NTN4: variants seen among roughly 807,000 people sequenced by gnomAD.
NTN4 encodes netrin-4.
Under a neutral mutation model 73.6 loss-of-function variants are expected in NTN4, and 32 were observed. The observed-to-expected ratio is 0.44, with a 90% confidence interval of 0.33 to 0.58. NTN4 has a LOEUF of 0.58. NTN4 is among the 20% of genes least tolerant of loss of function. The pLI is 0.04. For synonymous variants in NTN4, 258 were observed against 287.5 expected, an observed-to-expected ratio of 0.90 and a Z score of 1.04; for missense variants, 654 against 798.3, an observed-to-expected ratio of 0.82 and a Z score of 2.18.
intron 2 of NTN4, among the ~76,000 whole-genome samples, chr12:95,770,455 G>A (rs1245006155): frequency 1.3e-5 from 2 of 152,168 alleles, no homozygotes; most frequent in African/African-American, 4.8e-5. Flanking sequence ...CTCTCCTGAT[G>A]CAGCACCAGT....
At chr12:95,748,616 A>C (rs1337046874) in intron 2 of NTN4, among the ~76,000 whole-genome samples, 1 of 151,992 alleles carries the variant, frequency 6.6e-6, no homozygotes, top group African/African-American at 2.4e-5. Flanking sequence ...AATTACAGGC[A>C]CATGCCACCA....
In NTN4 at chr12:95,675,719, C is replaced by T. The variant is rs114992265; in HGVS notation, c.1511-5573G>A. Among the ~76,000 whole-genome samples the T allele has an allele frequency of 5.1e-3, 778 of 152,180 alleles. 7 individuals are homozygous for T. The highest frequency in any genetic ancestry group is 0.018 in the African/African-American group (751 of 41,498). On this transcript the variant is annotated intron_variant, in intron 7 of 9. Coordinates refer to ENST00000343702, the MANE Select transcript of NTN4 (RefSeq NM_021229.4). ...GAAAAGAAATGAATGAATGTGCATT[C>T]GGGGGATAGGGCTTTGGGGTCCGCT...
At chr12:95,672,542 C>T in intron 7 of NTN4, 1 of 1,527,874 alleles carries the variant, frequency 6.5e-7, no homozygotes, top group East Asian at 2.3e-5. Context: ...ATGTGGCCCA[C>T]CTGTAATGAG....
At chr12:95,667,863 AAAAT>A (rs71087991) in intron 8 of NTN4, among the ~76,000 whole-genome samples, 3,012 of 148,280 alleles carry the variant, frequency 0.02, 43 homozygotes, top group East Asian at 0.083. Flanking sequence ...CCATCTCTCA[AAAAT>A]AAATAAATAA....
intron 7 of NTN4, among the ~76,000 whole-genome samples, chr12:95,674,218 T>C (rs1024329408): frequency 6.6e-6 from 1 of 152,080 alleles, no homozygotes; most frequent in Non-Finnish European, 1.5e-5. Context: ...TGGCCTTTGA[T>C]AATTCCACAA....
chr12:95,670,740 G>T (rs12426964), intron 7 of NTN4, among the ~76,000 whole-genome samples: 198 of 151,188 alleles, frequency 1.3e-3, no homozygotes, highest in African/African-American at 4.5e-3. Flanking sequence ...TAAGTGGTCT[G>T]GGAGAGGTAC....
chr12:95,703,671 T>A (rs1439202012), intron 5 of NTN4, among the ~76,000 whole-genome samples: 1 of 152,238 alleles, frequency 6.6e-6, no homozygotes. Flanking sequence ...TTTCATAGAA[T>A]TAGAACTCTG....
At chr12:95,676,687 A>G (rs1182200782) in intron 7 of NTN4, among the ~76,000 whole-genome samples, 1 of 151,352 alleles carries the variant, frequency 6.6e-6, no homozygotes, top group Non-Finnish European at 1.5e-5. Flanking sequence ...TAAAAAAGCA[A>G]ACTTAGAGAA....
At chr12:95,739,016 G>A (rs1199426283) in intron 2 of NTN4, among the ~76,000 whole-genome samples, 1 of 152,146 alleles carries the variant, frequency 6.6e-6, no homozygotes, top group Non-Finnish European at 1.5e-5. Flanking sequence ...TCTGTTCTTA[G>A]TACTTATCAC....
chr12:95,707,935 C>T (rs1035975382), intron 5 of NTN4, among the ~76,000 whole-genome samples: 3 of 152,132 alleles, frequency 2.0e-5, no homozygotes, highest in Non-Finnish European at 4.4e-5. Flanking sequence ...CATTTTTAGA[C>T]ATTTCTACTA....
chr12:95,744,424 C>G (rs984543864), intron 2 of NTN4, among the ~76,000 whole-genome samples: 1 of 152,032 alleles, frequency 6.6e-6, no homozygotes, highest in Non-Finnish European at 1.5e-5. Flanking sequence ...GGCAGCATAC[C>G]TAATCTTTTT....
chr12:95,749,012 C>A lies in NTN4; in HGVS notation c.586-10868G>T, dbSNP rs540856803. Reference sequence around the variant, plus strand: ...TGACATTCCACCATTGTGATTTGTTCCTGCCCCACCATTAACCCTGTGAAT... The same window carrying A: ...TGACATTCCACCATTGTGATTTGTTACTGCCCCACCATTAACCCTGTGAAT... On this transcript the variant is annotated intron_variant, in intron 2 of 9. Transcript: ENST00000343702. 1.6e-3 allele frequency among the ~76,000 whole-genome samples: 248 copies of A among 152,296 alleles called. 1 individual carries two copies. The highest frequency in any genetic ancestry group is 5.8e-3 in the African/African-American group (241 of 41,566).
At chr12:95,711,315 C>T (rs1181291529) in intron 4 of NTN4, among the ~76,000 whole-genome samples, 1 of 152,136 alleles carries the variant, frequency 6.6e-6, no homozygotes, top group South Asian at 2.1e-4. Flanking sequence ...CGGGGATTGA[C>T]ATTTATTATG....
chr12:95,687,785 T>C (rs1306384197), intron 5 of NTN4, among the ~76,000 whole-genome samples: 1 of 152,168 alleles, frequency 6.6e-6, no homozygotes, highest in Non-Finnish European at 1.5e-5. Flanking sequence ...AGAAGGATCT[T>C]TATCTTCTTA....
At chr12:95,749,394 G>T (rs367682263) in intron 2 of NTN4, among the ~76,000 whole-genome samples, 2 of 152,108 alleles carry the variant, frequency 1.3e-5, no homozygotes, top group African/African-American at 4.8e-5. Context: ...TCCTCAGACC[G>T]ACCAGCCCAA....
chr12:95,718,395 C>G (rs2078623339), intron 3 of NTN4, among the ~76,000 whole-genome samples: 1 of 152,154 alleles, frequency 6.6e-6, no homozygotes, highest in Admixed American at 6.5e-5. Flanking sequence ...TTGACAGCAT[C>G]AAGCATATGG....
At chr12:95,711,241 G>A (rs2078563305) in intron 4 of NTN4, among the ~76,000 whole-genome samples, 1 of 152,108 alleles carries the variant, frequency 6.6e-6, no homozygotes, top group Non-Finnish European at 1.5e-5. Context: ...TTCAGGAGAT[G>A]CATGAAAATC....
chr12:95,673,129 T>C, intron 7 of NTN4: 1 of 882,108 alleles, frequency 1.1e-6, no homozygotes, highest in Non-Finnish European at 1.8e-6. Context: ...GTCCCTCTGC[T>C]CATCCCTCCT....
chr12:95,709,503 T>C (rs1253402753), intron 5 of NTN4, among the ~76,000 whole-genome samples: 1 of 152,118 alleles, frequency 6.6e-6, no homozygotes, highest in African/African-American at 2.4e-5. Flanking sequence ...CTTTTTCTTT[T>C]CTTTCCTTTC....
Sources: allele counts gnomAD v4.1 joint callset (sites outside exome capture counted in the v4.1 genomes callset), GRCh38; gene constraint gnomAD v4.1.1; transcripts MANE v1.5; gene names NCBI Gene and HGNC (gene_info 2026-07-23, HGNC 2026-07-21).